The following TCF12 variants were observed in gnomAD, a reference collection of about 807,000 sequenced individuals.
The protein encoded by TCF12 is transcription factor 12.
Under a neutral mutation model 86.0 loss-of-function variants are expected in TCF12, and 45 were observed. The observed-to-expected ratio is 0.52, with a 90% CI of 0.41 to 0.67. TCF12 has a LOEUF of 0.67. Among genes scored for constraint, TCF12 ranks in the 30% least tolerant of loss-of-function variants. TCF12 has a pLI of 0.00. For missense variants in TCF12, 881 were observed against 859.9 expected, an observed-to-expected ratio of 1.02 and a Z score of -0.31; for synonymous variants, 330 against 299.6, an observed-to-expected ratio of 1.10 and a Z score of -1.05.
intron 3 of TCF12, among the ~76,000 whole-genome samples, chr15:57,005,510 C>G (rs1348296616): frequency 6.6e-6 from 1 of 152,054 alleles, no homozygotes; most frequent in Admixed American, 6.6e-5. Flanking sequence ...CCTGTATCCT[C>G]CTCTATATAA....
intron 3 of TCF12, among the ~76,000 whole-genome samples, chr15:57,035,518 C>T (rs1255864292): frequency 1.3e-5 from 2 of 152,114 alleles, no homozygotes; most frequent in Admixed American, 6.6e-5. Context: ...CCTCCCACCT[C>T]GGCCTCCCAA....
intron 12 of TCF12, among the ~76,000 whole-genome samples, chr15:57,241,943 G>T (rs1162854959): frequency 6.6e-6 from 1 of 151,976 alleles, no homozygotes; most frequent in Non-Finnish European, 1.5e-5. Context: ...AGTGAGCCAA[G>T]ATCATGTCAC....
intron 3 of TCF12, among the ~76,000 whole-genome samples, chr15:57,016,661 G>A (rs1388317735): frequency 1.3e-5 from 2 of 152,060 alleles, no homozygotes; most frequent in African/African-American, 4.8e-5. Flanking sequence ...TAGAAGCAAA[G>A]GGTACATATT....
chr15:57,013,214 G>A (rs1002873681), intron 3 of TCF12, among the ~76,000 whole-genome samples: 3 of 152,118 alleles, frequency 2.0e-5, no homozygotes, highest in Admixed American at 1.3e-4. Context: ...AATATTTATC[G>A]AGTGCCTACT....
At chr15:56,965,234 G>T (rs1178088657) in intron 3 of TCF12, among the ~76,000 whole-genome samples, 1 of 152,056 alleles carries the variant, frequency 6.6e-6, no homozygotes, top group Non-Finnish European at 1.5e-5. Flanking sequence ...ATTATATTAT[G>T]CTCTTCTATT....
At chr15:57,082,337 T>G (rs1202165640) in intron 4 of TCF12, among the ~76,000 whole-genome samples, 1 of 152,240 alleles carries the variant, frequency 6.6e-6, no homozygotes, top group Non-Finnish European at 1.5e-5. Context: ...CAAGATAGGA[T>G]ACCAGTGACA....
chr15:57,281,296 C>A (rs1741832395), intron 19 of TCF12, among the ~76,000 whole-genome samples: 1 of 152,168 alleles, frequency 6.6e-6, no homozygotes, highest in Non-Finnish European at 1.5e-5. Context: ...TTATAAGAAG[C>A]AGCAGAGGTT....
chr15:56,966,033 G>C (rs2140652980), intron 3 of TCF12, among the ~76,000 whole-genome samples: 1 of 152,242 alleles, frequency 6.6e-6, no homozygotes, highest in South Asian at 2.1e-4. Flanking sequence ...GTTGTATTTT[G>C]CATCATGAGA....
chr15:56,923,942 A>G (rs2059899764), intron 3 of TCF12, among the ~76,000 whole-genome samples: 1 of 152,028 alleles, frequency 6.6e-6, no homozygotes, highest in Non-Finnish European at 1.5e-5. Context: ...ATTTTCAGAG[A>G]TAATTGTAGG....
chr15:57,106,416 A>G (rs2050135665), intron 5 of TCF12, among the ~76,000 whole-genome samples: 1 of 152,246 alleles, frequency 6.6e-6, no homozygotes, highest in East Asian at 1.9e-4. Context: ...TCCAAAATAA[A>G]AAGTTTGTTT....
intron 4 of TCF12, among the ~76,000 whole-genome samples, chr15:57,068,820 C>G (rs2069125359): frequency 6.6e-6 from 1 of 152,070 alleles, no homozygotes; most frequent in Non-Finnish European, 1.5e-5. Flanking sequence ...TCTTAGTTTT[C>G]TGGTCTCTAA....
intron 3 of TCF12, among the ~76,000 whole-genome samples, chr15:57,017,822 T>G (rs1359809477): frequency 2.6e-5 from 4 of 151,600 alleles, no homozygotes; most frequent in African/African-American, 9.7e-5. Flanking sequence ...GTATGTGGCC[T>G]TACATACTTG....
chr15:56,966,861 G>A (rs1441276103), intron 3 of TCF12, among the ~76,000 whole-genome samples: 5 of 152,264 alleles, frequency 3.3e-5, no homozygotes, highest in South Asian at 2.1e-4. Context: ...GGTGGCTCAC[G>A]CCTGTAATCC....
chr15:57,259,713 C>T (rs1567003672), intron 16 of TCF12, among the ~76,000 whole-genome samples: 1 of 152,218 alleles, frequency 6.6e-6, no homozygotes, highest in East Asian at 1.9e-4. Context: ...CCCCTAACAG[C>T]GGCAGCCTGT....
intron 5 of TCF12, among the ~76,000 whole-genome samples, chr15:57,134,048 G>A (rs1369291648): frequency 1.3e-5 from 2 of 152,024 alleles, no homozygotes; most frequent in Non-Finnish European, 2.9e-5. Flanking sequence ...CAAGAGTGGT[G>A]GTTTATTTAT....
chr15:56,960,592 G>A (rs2061702846), intron 3 of TCF12, among the ~76,000 whole-genome samples: 1 of 151,766 alleles, frequency 6.6e-6, no homozygotes, highest in Admixed American at 6.6e-5. Flanking sequence ...ACCATGCACG[G>A]CTAATTTTTG....
chr15:57,102,363 T>C (rs1223247124), intron 5 of TCF12, among the ~76,000 whole-genome samples: 1 of 152,204 alleles, frequency 6.6e-6, no homozygotes, highest in Non-Finnish European at 1.5e-5. Flanking sequence ...TTTGGGAGGC[T>C]GTGGCAGGTG....
At chr15:57,085,462 C>T (rs774805478) in intron 4 of TCF12, among the ~76,000 whole-genome samples, 47 of 152,098 alleles carry the variant, frequency 3.1e-4, no homozygotes, top group Non-Finnish European at 6.0e-4. Flanking sequence ...ACTACATGCC[C>T]GTTAGTGTGC....
chr15:56,978,030 G>A (rs1016366052), intron 3 of TCF12, among the ~76,000 whole-genome samples: 6 of 152,062 alleles, frequency 3.9e-5, no homozygotes, highest in Admixed American at 6.6e-5. Flanking sequence ...AAATATGTAC[G>A]GTAACAAAGA....
Sources: allele counts gnomAD v4.1 joint callset (sites outside exome capture counted in the v4.1 genomes callset), GRCh38; gene constraint gnomAD v4.1.1; transcripts MANE v1.5; gene names NCBI Gene and HGNC (gene_info 2026-07-23, HGNC 2026-07-21).